Variants in CENPP observed in about 807,000 individuals in gnomAD.
CENPP encodes the protein centromere protein P.
A neutral mutation model predicts 35.6 loss-of-function variants in CENPP; 24 were observed. The ratio of observed to expected loss-of-function variants is 0.67; its 90% CI spans 0.49 to 0.95. CENPP has a LOEUF of 0.95. CENPP is among the 40% of genes least tolerant of loss of function. The pLI is 0.00. For synonymous variants in CENPP, 120 were observed against 125.5 expected (o/e 0.96, Z 0.29); for missense variants, 332 against 345.3 (o/e 0.96, Z 0.31).
At chr9:92,439,851 A>G (rs1844342800) in intron 5 of CENPP, among the ~76,000 whole-genome samples, 1 of 152,172 alleles carries the variant, frequency 6.6e-6, no homozygotes, top group African/African-American at 2.4e-5. Context: ...AAATGATTCT[A>G]AGTATGGATA....
At chr9:92,561,319 T>C (rs1015838209) in intron 5 of CENPP, among the ~76,000 whole-genome samples, 1 of 152,172 alleles carries the variant, frequency 6.6e-6, no homozygotes, top group African/African-American at 2.4e-5. Context: ...TCCTTTAATA[T>C]CCCTTATTGT....
intron 5 of CENPP, among the ~76,000 whole-genome samples, chr9:92,469,683 T>A (rs954037216): frequency 1.3e-5 from 2 of 152,154 alleles, no homozygotes; most frequent in East Asian, 3.8e-4. Context: ...TAGCCAGGCC[T>A]GGCTTACCAC....
chr9:92,526,567 G>C (rs1165173204), intron 5 of CENPP, among the ~76,000 whole-genome samples: 2 of 150,334 alleles, frequency 1.3e-5, no homozygotes, highest in Non-Finnish European at 3.0e-5. Context: ...TGGAAAAAAA[G>C]AAATAATAAA....
At chr9:92,523,705 T>C (rs940653731) in intron 5 of CENPP, among the ~76,000 whole-genome samples, 25 of 152,296 alleles carry the variant, frequency 1.6e-4, no homozygotes, top group African/African-American at 4.8e-4. Flanking sequence ...CTTTAACTTA[T>C]TGGAGAGTAG....
intron 5 of CENPP, among the ~76,000 whole-genome samples, chr9:92,382,198 T>C (rs896391298): frequency 4.6e-5 from 7 of 152,004 alleles, no homozygotes; most frequent in Admixed American, 6.5e-5. Context: ...TGTCCTTTGA[T>C]GAGCAGAAAT....
chr9:92,390,189 T>C (rs1433122233), intron 5 of CENPP: 11 of 587,426 alleles, frequency 1.9e-5, no homozygotes, highest in Non-Finnish European at 2.1e-5. Context: ...TTACAATTCA[T>C]AGCCCAGTAA....
Position 92,457,615 on chromosome 9 carries a change from G to A in CENPP, c.564+77756G>A, listed in dbSNP as rs117286664. On this transcript the variant is annotated intron_variant, in intron 5 of 7. Coordinates refer to ENST00000375587, the MANE Select transcript of CENPP (RefSeq NM_001012267.3). ...TACATTGGCTTGAATGTATTTTCAG[G>A]TAAAGTAGATGTACTCACTTATGCA... The A allele has an allele frequency of 4.6e-4, 315 of 690,536 alleles. 1 individual carries two copies. The East Asian group carries it at 7.2e-3, about 16-fold the overall frequency. The allele number at this position is 690,536 out of a possible 1,614,324, so 42.8% of individuals were successfully genotyped here.
At chr9:92,569,604 CA>C (rs1183270710) in intron 5 of CENPP, among the ~76,000 whole-genome samples, 8 of 152,066 alleles carry the variant, frequency 5.3e-5, no homozygotes, top group Non-Finnish European at 1.0e-4. Context: ...TAGTTTTTTC[CA>C]ATTCTGTGAA....
intron 4 of CENPP, among the ~76,000 whole-genome samples, chr9:92,356,368 T>A (rs1335373773): frequency 6.6e-6 from 1 of 152,222 alleles, no homozygotes; most frequent in Non-Finnish European, 1.5e-5. Flanking sequence ...AATATGGCTC[T>A]TTTTGCCCGA....
intron 5 of CENPP, among the ~76,000 whole-genome samples, chr9:92,478,788 A>C (rs901276687): frequency 7.9e-5 from 12 of 152,100 alleles, no homozygotes; most frequent in Non-Finnish European, 1.5e-5. Context: ...GAATCTTTGA[A>C]CCAAATGGGC....
intron 5 of CENPP, among the ~76,000 whole-genome samples, chr9:92,590,628 A>G (rs1423948056): frequency 6.6e-6 from 1 of 152,220 alleles, no homozygotes; most frequent in Non-Finnish European, 1.5e-5. Flanking sequence ...ATCCCTGTCC[A>G]GCCCTTAAAC....
At chr9:92,494,411 CACTTTAAAATT>C (rs1049982466) in intron 5 of CENPP, among the ~76,000 whole-genome samples, 1 of 152,126 alleles carries the variant, frequency 6.6e-6, no homozygotes, top group Non-Finnish European at 1.5e-5. Flanking sequence ...TCAACCTGGC[CACTTTAAAATT>C]AGTAATGCAC....
chr9:92,332,538 C>T (rs1000606625), intron 2 of CENPP, among the ~76,000 whole-genome samples, 187 bp downstream of exon 2: 1 of 152,182 alleles, frequency 6.6e-6, no homozygotes, highest in African/African-American at 2.4e-5. Flanking sequence ...GGCCAGGCCC[C>T]GTGATCATGC....
At chr9:92,506,065 G>C (rs1846989392) in intron 5 of CENPP, among the ~76,000 whole-genome samples, 1 of 152,192 alleles carries the variant, frequency 6.6e-6, no homozygotes, top group African/African-American at 2.4e-5. Flanking sequence ...GGTAGGAAAG[G>C]AATAGAAAGT....
At chr9:92,385,818 C>G in intron 5 of CENPP, 3 of 1,612,170 alleles carry the variant, frequency 1.9e-6, no homozygotes, top group South Asian at 2.2e-5. Flanking sequence ...AAACATTGTT[C>G]AGAAATCTGA....
intron 4 of CENPP, among the ~76,000 whole-genome samples, chr9:92,347,587 A>T (rs1841328133): frequency 6.6e-6 from 1 of 152,086 alleles, no homozygotes; most frequent in African/African-American, 2.4e-5. Context: ...CCTAATTATG[A>T]ATTTATTTTT....
rs376433120 is a variant in CENPP, at chr9:92,580,601, C to T, written c.565-30713C>T. On this transcript the variant is annotated intron_variant, in intron 5 of 7. Transcript: ENST00000375587. The stretch of plus-strand genomic sequence containing the variant: ...TAGTTTATTTGCATAGAGGTGTTTG[C>T]AGTATTCTCTGATGGTAGTTTGTAT... Among the ~76,000 whole-genome samples, 126 of 151,656 alleles carry T rather than the reference C, an allele frequency of 8.3e-4. 1 individual carries two copies. Among genetic ancestry groups the T allele is most frequent in the South Asian group, 6.1e-3 (29 of 4,774 alleles).
At chr9:92,573,373 C>G (rs1040247053) in intron 5 of CENPP, among the ~76,000 whole-genome samples, 1 of 152,150 alleles carries the variant, frequency 6.6e-6, no homozygotes, top group Non-Finnish European at 1.5e-5. Flanking sequence ...CACTCCAGAC[C>G]CTTTTTGCCT....
intron 5 of CENPP, among the ~76,000 whole-genome samples, chr9:92,381,285 CTTT>C (rs200993869): frequency 4.4e-5 from 6 of 136,464 alleles, no homozygotes; most frequent in African/African-American, 8.7e-5. Context: ...GATTTCTTTT[CTTT>C]TTTTTTTTTT....
Sources: gnomAD v4.1 joint callset for allele counts (sites outside exome capture counted in the v4.1 genomes callset) on GRCh38, gnomAD v4.1.1 for gene constraint, MANE v1.5 for transcripts, NCBI Gene and HGNC (gene_info 2026-07-23, HGNC 2026-07-21) for gene names.